Variants in LRRC4C observed in about 807,000 individuals in gnomAD.
LRRC4C encodes leucine-rich repeat-containing protein 4C.
A neutral mutation model predicts 33.6 loss-of-function variants in LRRC4C; 5 were observed. The ratio of observed to expected loss-of-function variants is 0.15; its 90% CI spans 0.08 to 0.31. LRRC4C has a LOEUF of 0.31. Ranked by LOEUF, LRRC4C falls within the 10% of genes least tolerant of loss-of-function variation. The probability of loss-of-function intolerance (pLI) is 1.00; values close to 1 mark genes in which losing one functional copy is unlikely to be tolerated. For synonymous variants in LRRC4C, 329 were observed against 302.0 expected, an observed-to-expected ratio of 1.09 and a Z score of -0.93; for missense variants, 560 against 796.7, an observed-to-expected ratio of 0.70 and a Z score of 3.58.
chr11:40,970,256 G>A (rs1476145115), intron 1 of LRRC4C, among the ~76,000 whole-genome samples: 2 of 152,158 alleles, frequency 1.3e-5, no homozygotes, highest in Non-Finnish European at 2.9e-5. Context: ...GAGGGGCCTG[G>A]TGAAAACTGA....
intron 3 of LRRC4C, among the ~76,000 whole-genome samples, chr11:40,401,877 T>C (rs1949773660): frequency 6.6e-6 from 1 of 152,158 alleles, no homozygotes; most frequent in South Asian, 2.1e-4. Context: ...GTACTTTTCA[T>C]GTTGTGTTTA....
intron 2 of LRRC4C, among the ~76,000 whole-genome samples, chr11:40,837,122 T>C (rs1166250775): frequency 1.3e-5 from 2 of 152,198 alleles, no homozygotes; most frequent in Non-Finnish European, 2.9e-5. Context: ...AGTAGTATTA[T>C]GTGATGCAAT....
At chr11:41,073,940 G>T (rs1420184553) in intron 1 of LRRC4C, among the ~76,000 whole-genome samples, 13 of 152,126 alleles carry the variant, frequency 8.5e-5, no homozygotes, top group Admixed American at 7.9e-4. Context: ...TGAGATCCAT[G>T]ATATCTTGCA....
intron 5 of LRRC4C, among the ~76,000 whole-genome samples, chr11:40,233,967 A>G (rs1405308157): frequency 6.6e-6 from 1 of 152,138 alleles, no homozygotes; most frequent in Non-Finnish European, 1.5e-5. Flanking sequence ...GCCTCACGAA[A>G]ACTCTAGAAG....
At chr11:40,722,443 G>A (rs1341414829) in intron 2 of LRRC4C, among the ~76,000 whole-genome samples, 1 of 152,174 alleles carries the variant, frequency 6.6e-6, no homozygotes, top group Non-Finnish European at 1.5e-5. Flanking sequence ...GCTTCAAAAT[G>A]TAATGCTGTG....
At chr11:40,345,487 G>T (rs888288432) in intron 3 of LRRC4C, among the ~76,000 whole-genome samples, 3 of 152,150 alleles carry the variant, frequency 2.0e-5, no homozygotes, top group East Asian at 1.9e-4. Flanking sequence ...GGGAGAACTG[G>T]CTAGCCATAT....
chr11:40,701,797 A>T (rs1367705935), intron 2 of LRRC4C, among the ~76,000 whole-genome samples: 1 of 151,798 alleles, frequency 6.6e-6, no homozygotes, highest in African/African-American at 2.4e-5. Context: ...ATGATTTGTT[A>T]TTTAGATGAG....
chr11:40,812,819 G>T (rs947613808), intron 2 of LRRC4C, among the ~76,000 whole-genome samples: 5 of 151,858 alleles, frequency 3.3e-5, no homozygotes, highest in African/African-American at 1.2e-4. Context: ...AGAAACCTTC[G>T]GTTACCTATT....
chr11:41,191,695 G>A (rs1945956403), intron 1 of LRRC4C, among the ~76,000 whole-genome samples: 1 of 152,150 alleles, frequency 6.6e-6, no homozygotes, highest in Non-Finnish European at 1.5e-5. Context: ...AGAATGGGTA[G>A]TAGATAAGAT....
At chr11:40,576,904 T>C (rs114801452) in intron 3 of LRRC4C, among the ~76,000 whole-genome samples, 2,090 of 152,292 alleles carry the variant, frequency 0.014, 51 homozygotes, top group African/African-American at 0.047. Context: ...TTAGTGAATG[T>C]ATAAAATAAC....
At chr11:40,394,908 T>C (rs1477713429) in intron 3 of LRRC4C, among the ~76,000 whole-genome samples, 1 of 152,180 alleles carries the variant, frequency 6.6e-6, no homozygotes, top group Non-Finnish European at 1.5e-5. Flanking sequence ...ATATTTCCTA[T>C]CAACCTTGAC....
intron 1 of LRRC4C, among the ~76,000 whole-genome samples, chr11:41,255,279 T>C (rs777826377): frequency 6.6e-6 from 1 of 152,042 alleles, no homozygotes. Flanking sequence ...CCTTGTGCCT[T>C]TATCATCTAA....
At chr11:40,909,552 T>C (rs1956573406) in intron 2 of LRRC4C, among the ~76,000 whole-genome samples, 1 of 152,060 alleles carries the variant, frequency 6.6e-6, no homozygotes, top group South Asian at 2.1e-4. Context: ...GATAATTTCA[T>C]ACAGAGAACA....
intron 3 of LRRC4C, among the ~76,000 whole-genome samples, chr11:40,478,199 T>C (rs1953345710): frequency 6.6e-6 from 1 of 152,206 alleles, no homozygotes; most frequent in African/African-American, 2.4e-5. Flanking sequence ...TGAGAAAAAG[T>C]CACTGGTTCT....
chr11:40,234,685 C>A (rs550008280), intron 5 of LRRC4C, among the ~76,000 whole-genome samples: 1 of 152,266 alleles, frequency 6.6e-6, no homozygotes, highest in East Asian at 1.9e-4. Flanking sequence ...ATGGGAGGAT[C>A]ACTTGAGCCC....
At chr11:40,489,069 G>T (rs993737492) in intron 3 of LRRC4C, among the ~76,000 whole-genome samples, 4 of 152,058 alleles carry the variant, frequency 2.6e-5, no homozygotes, top group African/African-American at 9.7e-5. Flanking sequence ...TATCGGGCTT[G>T]TCCTCCACAT....
intron 3 of LRRC4C, among the ~76,000 whole-genome samples, chr11:40,389,682 T>C (rs1281577027): frequency 6.6e-6 from 1 of 152,112 alleles, no homozygotes; most frequent in Non-Finnish European, 1.5e-5. Context: ...CCCCTAAATA[T>C]TGACTTCCAA....
At chr11:40,449,809 G>A (rs1161997183) in intron 3 of LRRC4C, among the ~76,000 whole-genome samples, 4 of 152,164 alleles carry the variant, frequency 2.6e-5, no homozygotes, top group African/African-American at 7.2e-5. Flanking sequence ...TATAGCAGGT[G>A]CTCTTGAGAA....
At chr11:40,663,399 G>A (rs1943550171) in intron 2 of LRRC4C, among the ~76,000 whole-genome samples, 1 of 152,148 alleles carries the variant, frequency 6.6e-6, no homozygotes, top group African/African-American at 2.4e-5. Context: ...TAGTTAGAAT[G>A]TAAATTCTTC....
Sources: gnomAD v4.1 joint callset for allele counts (sites outside exome capture counted in the v4.1 genomes callset) on GRCh38, gnomAD v4.1.1 for gene constraint, MANE v1.5 for transcripts, NCBI Gene and HGNC (gene_info 2026-07-23, HGNC 2026-07-21) for gene names.